The following IGFL1 variants were observed in gnomAD, a reference collection of about 807,000 sequenced individuals.
IGFL1 encodes the protein IGF like family member 1, also known as insulin growth factor-like family member 1.
Under a neutral mutation model 16.0 loss-of-function variants are expected in IGFL1, and 16 were observed. The ratio of observed to expected loss-of-function variants is 1.00; its 90% CI spans 0.68 to 1.52. The LOEUF (loss-of-function observed/expected upper bound fraction) is 1.52. Among genes scored for constraint, IGFL1 ranks in the 40% most tolerant of loss-of-function variants. The pLI, the probability that IGFL1 is intolerant of heterozygous loss-of-function variation, is 0.00. For synonymous variants in IGFL1, 59 were observed against 54.0 expected, an observed-to-expected ratio of 1.09 and a Z score of -0.41; for missense variants, 149 against 141.7, an observed-to-expected ratio of 1.05 and a Z score of -0.26.
Position 46,230,313 on chromosome 19 carries a change from A to G in IGFL1, c.119A>G (p.His40Arg). ...MTPYLMLCQP[H>R]KRCGDKFYDP... is the part of the protein sequence containing the mutation. Reference sequence around the variant, plus strand: ...CCTTACCTGATGCTGTGCCAGCCACACAAGAGATGTGGGGACAAGTTCTAC... The same window carrying G: ...CCTTACCTGATGCTGTGCCAGCCACGCAAGAGATGTGGGGACAAGTTCTAC... The change falls in exon 3 of 4, where the codon CAC becomes CGC. Residue 40 changes from histidine (H) to arginine (R), a missense_variant. Transcript: ENST00000437936. 1 of 1,613,972 alleles carries G rather than the reference A, an allele frequency of 6.2e-7. No individual in the cohort carries two copies. The highest frequency in any genetic ancestry group is 8.5e-7 in the Non-Finnish European group (1 of 1,179,880).
In IGFL1 at chr19:46,229,743, C is replaced by T; in HGVS notation, c.-32C>T. ...AAGGAGTGGCTGAGATCTGCTGATC[C>T]CCTCCTCACTCCACTGCAACCACCC... On this transcript the variant is annotated 5_prime_UTR_variant, in exon 1 of 4. Transcript: ENST00000437936. 1 of 1,590,468 alleles carries T rather than the reference C, an allele frequency of 6.3e-7. No homozygotes were observed. The highest frequency in any genetic ancestry group is 1.2e-5 in the South Asian group (1 of 86,682).
chr19:46,229,880 T>C, intron 1 of IGFL1, 81 bp downstream of exon 1: 1 of 1,473,566 alleles, frequency 6.8e-7, no homozygotes, highest in Non-Finnish European at 9.3e-7. Context: ...TACCCCAAAC[T>C]ACACCTCATC....
chr19:46,229,826 C>T, intron 1 of IGFL1, 27 bp downstream of exon 1: 2 of 1,600,414 alleles, frequency 1.2e-6, no homozygotes, highest in Non-Finnish European at 1.7e-6. Context: ...CCCATTCCCA[C>T]CTGAGCCCAT....
intron 2 of IGFL1, 26 bp from the exon 3 acceptor site, chr19:46,230,248 G>T (rs199943788): frequency 6.2e-7 from 1 of 1,613,706 alleles, no homozygotes; most frequent in African/African-American, 1.3e-5. Flanking sequence ...CTACCTCCTG[G>T]ATCTCACCAG....
chr19:46,230,708 C>G, intron 3 of IGFL1, 113 bp from the exon 4 acceptor site: 1 of 1,389,038 alleles, frequency 7.2e-7, no homozygotes. Context: ...TCTCTCTACC[C>G]CGCTGTCCTC....
rs1341446284 is a variant in IGFL1 at position 46,229,760 on chromosome 19, C to T, written c.-15C>T. On this transcript the variant is annotated 5_prime_UTR_variant, in exon 1 of 4. Transcript: ENST00000437936. ...TGCTGATCCCCTCCTCACTCCACTGCAACCACCCAGAGCCATGGCTCCCCG... is the reference window on the plus strand; with the variant it reads ...TGCTGATCCCCTCCTCACTCCACTGTAACCACCCAGAGCCATGGCTCCCCG... The T allele has an allele frequency of 1.2e-6, 2 of 1,602,638 alleles. No individual in the cohort carries two copies. The highest frequency in any genetic ancestry group is 4.5e-5 in the East Asian group (2 of 44,370).
Position 46,231,185 on chromosome 19 carries a change from C to A in IGFL1, c.*355C>A. The A allele has an allele frequency of 5.0e-6, 2 of 397,304 alleles. No individual in the cohort carries two copies. The highest frequency in any genetic ancestry group is 9.4e-6 in the Non-Finnish European group (2 of 213,562). The allele number at this position is 397,304 out of a possible 1,614,324, so 24.6% of individuals were successfully genotyped here. A position where few individuals can be genotyped will look rare whatever the true frequency, so the allele number is the denominator to read the frequency against. ...GTGAGATTTTCCATCATCTCAAGTT[C>A]TCTTCTATCCAGGAGCAAAGCACAG... On this transcript the variant is annotated 3_prime_UTR_variant, in exon 4 of 4. Coordinates refer to ENST00000437936, the MANE Select transcript of IGFL1 (RefSeq NM_198541.2).
At chr19:46,230,668 T>A (rs907929131) in intron 3 of IGFL1, among the ~76,000 whole-genome samples, 151 bp downstream of exon 3, 2 of 152,114 alleles carry the variant, frequency 1.3e-5, no homozygotes. Context: ...TGTGTCTCCA[T>A]CCATTTTTAT....
chr19:46,230,709 C>A, intron 3 of IGFL1, 112 bp from the exon 4 acceptor site: 2 of 1,390,772 alleles, frequency 1.4e-6, no homozygotes, highest in East Asian at 2.3e-5. Context: ...CTCTCTACCC[C>A]GCTGTCCTCT....
In IGFL1 at chr19:46,231,175, A is replaced by T; in HGVS notation, c.*345A>T. ...TCACCCTTCTGTGAGATTTTCCATC[A>T]TCTCAAGTTCTCTTCTATCCAGGAG... On this transcript the variant is annotated 3_prime_UTR_variant, in exon 4 of 4. Transcript: ENST00000437936. The T allele has an allele frequency of 2.4e-6, 1 of 418,700 alleles. No homozygotes were observed. 25.9% of individuals were successfully genotyped at this position (418,700 alleles called of 1,614,324 possible).
At position 46,230,119 on chromosome 19, in the gene IGFL1, A is replaced by C; in HGVS notation, c.37A>C (p.Ile13Leu). 1 of 1,613,322 alleles carries C rather than the reference A, an allele frequency of 6.2e-7. No homozygotes were observed. Among genetic ancestry groups the C allele is most frequent in the Non-Finnish European group, 8.5e-7 (1 of 1,179,754 alleles). The change falls in exon 2 of 4, where the codon ATT becomes CTT. Residue 13 changes from isoleucine (I) to leucine (L), a missense_variant. Transcript: ENST00000437936. ...PRGCIVAVFA[I>L]FCISRLLCSH... ...TCCCTTTCCCACAGCTGTCTTTGCC[A>C]TTTTCTGCATCTCCAGGCTCCTCTG...
chr19:46,230,661 G>T (rs1296994444), intron 3 of IGFL1, 144 bp downstream of exon 3: 4 of 1,396,554 alleles, frequency 2.9e-6, no homozygotes, highest in Non-Finnish European at 3.0e-6. Flanking sequence ...CTACACCTGT[G>T]TCTCCATCCA....
At chr19:46,230,788 C>G (rs747455659) in intron 3 of IGFL1, 33 bp from the exon 4 acceptor site, 2 of 1,610,388 alleles carry the variant, frequency 1.2e-6, no homozygotes, top group East Asian at 2.2e-5. Context: ...CATCTCTGTC[C>G]CGCTCAGTGT....
intron 3 of IGFL1, 29 bp from the exon 4 acceptor site, chr19:46,230,792 T>C (rs762155857): frequency 1.2e-6 from 2 of 1,611,022 alleles, no homozygotes; most frequent in African/African-American, 1.3e-5. Context: ...TCTGTCCCGC[T>C]CAGTGTCTCT....
rs1481586458 is a variant in IGFL1 at position 46,231,175 on chromosome 19, A to G, written c.*345A>G. The G allele has an allele frequency of 7.2e-6, 3 of 418,582 alleles. No individual in the cohort carries two copies. Among genetic ancestry groups the G allele is most frequent in the South Asian group, 3.1e-5 (1 of 31,820 alleles). 25.9% of individuals were successfully genotyped at this position (418,582 alleles called of 1,614,324 possible). ...TCACCCTTCTGTGAGATTTTCCATC[A>G]TCTCAAGTTCTCTTCTATCCAGGAG... On this transcript the variant is annotated 3_prime_UTR_variant, in exon 4 of 4. Coordinates refer to ENST00000437936, the MANE Select transcript of IGFL1 (RefSeq NM_198541.2).
In IGFL1 at chr19:46,230,937, C is replaced by T. The variant is rs1967236980; in HGVS notation, c.*107C>T. 8.8e-6 allele frequency: 10 copies of T among 1,139,768 alleles called. No individual in the cohort carries two copies. The highest frequency in any genetic ancestry group is 1.3e-5 in the Non-Finnish European group (10 of 770,668). The allele number at this position is 1,139,768 out of a possible 1,614,324, so 70.6% of individuals were successfully genotyped here. Reference sequence around the variant, plus strand: ...GGGATGCTGAGTGGCTGTTTGGGGGCCAGAGAAACACACACTCAACTGCCC... The same window carrying T: ...GGGATGCTGAGTGGCTGTTTGGGGGTCAGAGAAACACACACTCAACTGCCC... On this transcript the variant is annotated 3_prime_UTR_variant, in exon 4 of 4. Transcript: ENST00000437936.
chr19:46,230,561 G>T (rs567105838), intron 3 of IGFL1, 44 bp downstream of exon 3: 24 of 1,605,778 alleles, frequency 1.5e-5, no homozygotes, highest in South Asian at 4.4e-5. Context: ...CAGGGTAGCT[G>T]CATGCCTGTT....
In IGFL1 at chr19:46,229,763, C is replaced by T; in HGVS notation, c.-12C>T. The T allele has an allele frequency of 3.7e-6, 6 of 1,603,712 alleles. No homozygotes were observed. The highest frequency in any genetic ancestry group is 5.1e-6 in the Non-Finnish European group (6 of 1,175,544). On this transcript the variant is annotated 5_prime_UTR_variant, in exon 1 of 4. Transcript: ENST00000437936. Reference sequence around the variant, plus strand: ...TGATCCCCTCCTCACTCCACTGCAACCACCCAGAGCCATGGCTCCCCGAGG... The same window carrying T: ...TGATCCCCTCCTCACTCCACTGCAATCACCCAGAGCCATGGCTCCCCGAGG...
At chr19:46,230,552 A>T (rs1009991941) in intron 3 of IGFL1, 35 bp downstream of exon 3, 9 of 1,608,582 alleles carry the variant, frequency 5.6e-6, no homozygotes, top group Non-Finnish European at 7.6e-6. Flanking sequence ...TTGTGGGTGC[A>T]GGGTAGCTGC....
Sources: gnomAD v4.1 joint callset for allele counts (sites outside exome capture counted in the v4.1 genomes callset) on GRCh38, gnomAD v4.1.1 for gene constraint, MANE v1.5 for transcripts, NCBI Gene and HGNC (gene_info 2026-07-23, HGNC 2026-07-21) for gene names.